Variants in XPO5 observed in about 807,000 individuals in gnomAD.
XPO5 encodes the protein exportin 5, also known as exportin-5.
In XPO5, 46 loss-of-function variants were observed where a neutral mutation model predicts 160.6. That is an observed-to-expected ratio of 0.29 (90% confidence interval 0.23 to 0.37). The LOEUF (loss-of-function observed/expected upper bound fraction) is 0.37. Ranked by LOEUF, XPO5 falls within the 10% of genes least tolerant of loss-of-function variation. XPO5 has a pLI of 1.00. For synonymous variants in XPO5, 537 were observed against 519.3 expected (o/e 1.03, Z -0.46); for missense variants, 1,090 against 1,463.9 (o/e 0.74, Z 4.17).
chr6:43,528,820 T>C lies in XPO5; in HGVS notation c.2775+8A>G. 1.2e-6 allele frequency: 2 copies of C among 1,612,944 alleles called. No individual in the cohort carries two copies. The highest frequency in any genetic ancestry group is 1.7e-6 in the Non-Finnish European group (2 of 1,179,248). On this transcript the variant is annotated splice_region_variant and intron_variant, in intron 24 of 31. Coordinates refer to ENST00000265351, the MANE Select transcript of XPO5 (RefSeq NM_020750.3). ...CTCTTTGCTTCCTGTTCCTGACTTATCTCTTACCATATGGAGGTAGGTGAA... is the reference window on the plus strand; with the variant it reads ...CTCTTTGCTTCCTGTTCCTGACTTACCTCTTACCATATGGAGGTAGGTGAA...
chr6:43,553,714 C>G, intron 13 of XPO5: 1 of 1,052,772 alleles, frequency 9.5e-7, no homozygotes. Context: ...AGGTTCCTAC[C>G]ATGCCTCCTC....
chr6:43,572,810 C>T (rs193162588), intron 2 of XPO5, among the ~76,000 whole-genome samples: 28 of 152,238 alleles, frequency 1.8e-4, no homozygotes, highest in Middle Eastern at 6.8e-3. Context: ...AACTGGAATC[C>T]GCACAAGATT....
intron 14 of XPO5, among the ~76,000 whole-genome samples, chr6:43,552,304 C>T (rs1252938353): frequency 6.6e-6 from 1 of 152,070 alleles, no homozygotes; most frequent in African/African-American, 2.4e-5. Context: ...GTGATCCACC[C>T]ACCTTAGCCT....
At chr6:43,568,609 A>C (rs1762826488) in intron 6 of XPO5, 102 bp downstream of exon 6, 3 of 1,101,048 alleles carry the variant, frequency 2.7e-6, no homozygotes, top group Non-Finnish European at 3.8e-6. Flanking sequence ...TCTCCAAAAC[A>C]ATACAACACA....
rs766964553 is a variant in XPO5 at position 43,525,845 on chromosome 6, C to A, written c.3060G>T (p.Lys1020Asn). The change falls in exon 28 of 32, where the codon AAG (lysine) becomes AAT (asparagine). Residue 1020 changes from lysine (K) to asparagine (N), a missense_variant. Transcript: ENST00000265351. ...ELTDLGKCLM[K>N]HEDVCTALLI... Reference sequence around the variant, plus strand: ...ACCTGCTCCTTCTACCCACCTCATGCTTCATCAGACATTTGCCCAGGTCTG... The same window carrying A: ...ACCTGCTCCTTCTACCCACCTCATGATTCATCAGACATTTGCCCAGGTCTG... 3 of 1,614,022 alleles carry A rather than the reference C, an allele frequency of 1.9e-6. No individual in the cohort carries two copies. In the South Asian group the frequency reaches 3.3e-5, roughly 18 times the overall value.
rs1762739634 is a variant in XPO5, at chr6:43,567,197, T to G, written c.806A>C (p.Glu269Ala). ...NEQELQLGAAECLLIAVSRKG... is the reference protein window; with the variant it reads ...NEQELQLGAAACLLIAVSRKG... ...TCTGCTGACTGCAATGAGAAGACAC[T>G]CAGCGGCTCCCAACTGAAGTTCCTG... Residue 269 changes from glutamate to alanine, a missense_variant, in exon 7 of 32, where the codon GAG (glutamate) becomes GCG (alanine). Glu to Ala is a moderately radical substitution (Grantham distance 107). Around this residue, in one of 3 missense-constraint regions of XPO5, gnomAD observed 110 missense variants for 97.9 expected, o/e 1.12. Transcript: ENST00000265351. 1.2e-6 allele frequency: 2 copies of G among 1,613,386 alleles called. No homozygotes were observed. The highest frequency in any genetic ancestry group is 3.3e-5 in the Admixed American group (2 of 59,872).
rs142610062 is a variant in XPO5 at position 43,532,018 on chromosome 6, A to C, written c.2444-443T>G. On this transcript the variant is annotated intron_variant, in intron 21 of 31. Coordinates refer to ENST00000265351, the MANE Select transcript of XPO5 (RefSeq NM_020750.3). The stretch of plus-strand genomic sequence containing the variant: ...TATCTATATTTTTAAGTGTAATCAG[A>C]GGTTTTACATTTCGAGTCCTATAGT... Among the ~76,000 whole-genome samples, 743 of 152,260 alleles carry C rather than the reference A, an allele frequency of 4.9e-3. 5 individuals are homozygous for C. Among genetic ancestry groups the C allele is most frequent in the African/African-American group, 0.016 (676 of 41,522 alleles).
chr6:43,544,934 G>A lies in XPO5; in HGVS notation c.2342+1637C>T, dbSNP rs1055270485. 7.9e-5 allele frequency among the ~76,000 whole-genome samples: 12 copies of A among 152,082 alleles called. No homozygotes were observed. In the South Asian group the frequency reaches 1.7e-3, roughly 21 times the overall value. On this transcript the variant is annotated intron_variant, in intron 20 of 31. Coordinates refer to ENST00000265351, the MANE Select transcript of XPO5 (RefSeq NM_020750.3). ...GTCGCCCAGGCTGGAGTGCAGTGGC[G>A]TGATCTTAGCTCACTGCAATCTCCG...
Position 43,555,967 on chromosome 6 carries a change from G to A in XPO5, c.1313-3C>T, listed in dbSNP as rs1762057903. The stretch of plus-strand genomic sequence containing the variant: ...CTCTCCTTGTTGTGCTCGGGAGGCT[G>A]CCAAGAGAAAATGCCAAGGGAAGGA... On this transcript the variant is annotated splice_polypyrimidine_tract_variant and splice_region_variant and intron_variant, in intron 12 of 31. Coordinates refer to ENST00000265351, the MANE Select transcript of XPO5 (RefSeq NM_020750.3). 1.9e-6 allele frequency: 3 copies of A among 1,612,960 alleles called. No homozygotes were observed. Among genetic ancestry groups the A allele is most frequent in the Non-Finnish European group, 2.5e-6 (3 of 1,179,474 alleles).
intron 4 of XPO5, 59 bp from the exon 5 acceptor site, chr6:43,570,743 C>T: frequency 6.5e-7 from 1 of 1,534,024 alleles, no homozygotes; most frequent in Non-Finnish European, 8.7e-7. Flanking sequence ...TTATGTATAT[C>T]CAAAGGCTAT....
intron 20 of XPO5, among the ~76,000 whole-genome samples, chr6:43,537,091 C>T (rs896894938): frequency 1.3e-5 from 2 of 151,784 alleles, no homozygotes; most frequent in Admixed American, 6.6e-5. Flanking sequence ...CTCAGGCTCC[C>T]GAGTAGCTGG....
In XPO5 at chr6:43,524,994, C is replaced by T. The variant is rs1292387337; in HGVS notation, c.3175-26G>A. 4.4e-6 allele frequency: 7 copies of T among 1,609,142 alleles called. No homozygotes were observed. The South Asian group carries it at 7.7e-5, about 18-fold the overall frequency. On this transcript the variant is annotated intron_variant, in intron 29 of 31. Coordinates refer to ENST00000265351, the MANE Select transcript of XPO5 (RefSeq NM_020750.3). ...CTGGGGAGACAACTGTGCTTTAGGG[C>T]CACAGGGGGCCTCTCTCAAGGCCTC...
rs148607102 is a variant in XPO5 at position 43,565,473 on chromosome 6, G to A, written c.911+187C>T. Among the ~76,000 whole-genome samples the A allele has an allele frequency of 7.1e-3, 1,078 of 152,018 alleles. 9 individuals are homozygous for A. Among genetic ancestry groups the A allele is most frequent in the African/African-American group, 0.025 (1,028 of 41,486 alleles). On this transcript the variant is annotated intron_variant, in intron 8 of 31. Coordinates refer to ENST00000265351, the MANE Select transcript of XPO5 (RefSeq NM_020750.3). ...CCAGCTACTCGGGAGGCTGAGGCAG[G>A]AGAATCGCTTGATCCCAGGAGACGG...
chr6:43,546,536 G>A (rs1436572294), intron 20 of XPO5, 35 bp downstream of exon 20: 1 of 1,571,998 alleles, frequency 6.4e-7, no homozygotes, highest in African/African-American at 1.4e-5. Flanking sequence ...AGGTAAAGTA[G>A]AAAACAACAG....
At chr6:43,570,446 A>C in intron 5 of XPO5, 56 bp downstream of exon 5, 1 of 1,513,536 alleles carries the variant, frequency 6.6e-7, no homozygotes, top group Non-Finnish European at 8.9e-7. Context: ...CTGTAAGATT[A>C]ATCAAAAACA....
At chr6:43,560,436 A>G (rs1762358904) in intron 10 of XPO5, 133 bp from the exon 11 acceptor site, 3 of 1,153,680 alleles carry the variant, frequency 2.6e-6, no homozygotes, top group Non-Finnish European at 2.3e-6. Flanking sequence ...CTCTACTGCA[A>G]TTTATCAGTA....
At chr6:43,558,385 C>G in intron 12 of XPO5, 116 bp downstream of exon 12, 1 of 865,944 alleles carries the variant, frequency 1.2e-6, no homozygotes, top group Non-Finnish European at 1.7e-6. Context: ...AATAAGTAGG[C>G]TGCTATCCAG....
Position 43,549,896 on chromosome 6 carries a change from A to T in XPO5, c.1767T>A (p.Ser589Arg), listed in dbSNP as rs781338192. The change falls in exon 16 of 32, where the codon AGT (serine) becomes AGA (arginine). Residue 589 changes from serine to arginine, a missense_variant. Coordinates refer to ENST00000265351, the MANE Select transcript of XPO5 (RefSeq NM_020750.3). ...SSVTFETVEE[S>R]KAPRTRAVRN... ...TTGGTTTAATTAATGGTCTTACCTT[A>T]CTTTCTTCAACAGTTTCAAAAGTGA... is the stretch of plus-strand genomic sequence containing the variant. The T allele has an allele frequency of 6.2e-7, 1 of 1,610,736 alleles. No homozygotes were observed. Among genetic ancestry groups the T allele is most frequent in the East Asian group, 2.2e-5 (1 of 44,846 alleles).
chr6:43,522,635 T>C lies in XPO5; in HGVS notation c.*1233A>G. ...ACTTCTGCTTCCCCAGCTTTGCTTC[T>C]TCTCAATCTGACCCTGCCTGTGGCC... On this transcript the variant is annotated 3_prime_UTR_variant, in exon 32 of 32. Transcript: ENST00000265351. 2.4e-6 allele frequency: 1 copy of C among 418,540 alleles called. No individual in the cohort carries two copies. The highest frequency in any genetic ancestry group is 1.7e-5 in the South Asian group (1 of 59,458). The allele number at this position is 418,540 out of a possible 1,614,324, so 25.9% of individuals were successfully genotyped here.
Sources: allele counts gnomAD v4.1 joint callset (sites outside exome capture counted in the v4.1 genomes callset), GRCh38; gene constraint gnomAD v4.1.1; regional missense constraint gnomAD v4.1.1; transcripts MANE v1.5; gene names NCBI Gene and HGNC (gene_info 2026-07-23, HGNC 2026-07-21).